RNF121: variants seen among roughly 807,000 people sequenced by gnomAD.
RNF121 encodes E3 ubiquitin ligase RNF121.
A neutral mutation model predicts 46.5 loss-of-function variants in RNF121; 21 were observed. The ratio of observed to expected loss-of-function variants is 0.45; its 90% CI spans 0.32 to 0.65. The LOEUF is 0.65. RNF121 is among the 30% of genes least tolerant of loss of function. The probability of loss-of-function intolerance (pLI) is 0.04; values close to 1 mark genes in which losing one functional copy is unlikely to be tolerated. For missense variants in RNF121, 346 were observed against 416.0 expected, an observed-to-expected ratio of 0.83 and a Z score of 1.46; for synonymous variants, 139 against 144.7, an observed-to-expected ratio of 0.96 and a Z score of 0.28.
chr11:71,955,671 G>T (rs1953973719), intron 1 of RNF121, among the ~76,000 whole-genome samples: 1 of 152,142 alleles, frequency 6.6e-6, no homozygotes, highest in African/African-American at 2.4e-5. Context: ...ACGTGTCTTG[G>T]GACAATTAAT....
At chr11:71,979,195 T>C (rs72956144) in intron 3 of RNF121, among the ~76,000 whole-genome samples, 9,790 of 152,276 alleles carry the variant, frequency 0.064, 463 homozygotes, top group Non-Finnish European at 0.099. Flanking sequence ...AGCTAGTTGA[T>C]AGAAACTTAG....
chr11:71,941,487 A>G (rs959691732), intron 1 of RNF121, among the ~76,000 whole-genome samples: 1 of 152,250 alleles, frequency 6.6e-6, no homozygotes, highest in African/African-American at 2.4e-5. Flanking sequence ...GAACAAGACA[A>G]CTGAGGTCCT....
At position 71,950,005 on chromosome 11, in the gene RNF121, AC is replaced by A. The variant is rs1164100778; in HGVS notation, c.64-7221del. On this transcript the variant is annotated intron_variant, in intron 1 of 8. Coordinates refer to ENST00000361756, the MANE Select transcript of RNF121 (RefSeq NM_018320.5). ...GACAGAGCAAGACTCCATCTCAAAA[AC>A]AAAACAGAACACACACACACACACA... 3.3e-5 allele frequency among the ~76,000 whole-genome samples: 5 copies of A among 151,094 alleles called. No individual in the cohort carries two copies. In the East Asian group the frequency reaches 9.7e-4, roughly 29 times the overall value.
chr11:71,947,979 C>A (rs1953765311), intron 1 of RNF121, among the ~76,000 whole-genome samples: 1 of 152,088 alleles, frequency 6.6e-6, no homozygotes. Flanking sequence ...CTGTAAAGGC[C>A]TTAGGAGTTC....
In RNF121 at chr11:71,974,527, A is replaced by G. The variant is rs187137724; in HGVS notation, c.244-8234A>G. Among the ~76,000 whole-genome samples the G allele has an allele frequency of 4.7e-4, 71 of 152,312 alleles. 1 individual carries two copies. The East Asian group carries it at 0.01, about 22-fold the overall frequency. On this transcript the variant is annotated intron_variant, in intron 3 of 8. Transcript: ENST00000361756. ...AGTTTTCAGATTAGTAAACCAAGGT[A>G]CAGAATCCTGAAGTGATTTGCTGGG...
intron 3 of RNF121, among the ~76,000 whole-genome samples, chr11:71,961,443 C>T (rs1375327119): frequency 6.6e-6 from 1 of 152,058 alleles, no homozygotes; most frequent in Non-Finnish European, 1.5e-5. Flanking sequence ...CGCCTATAGT[C>T]TCAGCTACTG....
At chr11:71,994,468 G>A (rs75822536) in intron 6 of RNF121, among the ~76,000 whole-genome samples, 3,292 of 152,008 alleles carry the variant, frequency 0.022, 123 homozygotes, top group African/African-American at 0.075. Context: ...TATAGGTTCT[G>A]TTACATCTAA....
At chr11:71,960,637 T>A (rs549311358) in intron 2 of RNF121, 113 bp from the exon 3 acceptor site, 34 of 1,233,146 alleles carry the variant, frequency 2.8e-5, no homozygotes, top group Admixed American at 8.7e-5. Flanking sequence ...CCTGCAGCTA[T>A]GAAGCAGGGA....
In RNF121 at chr11:71,996,436, A is replaced by C. The variant is rs1590821042; in HGVS notation, c.*121A>C. 8.0e-7 allele frequency: 1 copy of C among 1,251,874 alleles called. No individual in the cohort carries two copies. Among genetic ancestry groups the C allele is most frequent in the East Asian group, 2.5e-5 (1 of 39,390 alleles). 77.5% of individuals were successfully genotyped at this position (1,251,874 alleles called of 1,614,324 possible). A position where few individuals can be genotyped will look rare whatever the true frequency, so the allele number is the denominator to read the frequency against. Reference sequence around the variant, plus strand: ...CAAAGGGGTGCTTGGGCCACTCAGGACCCCTCTGGCTGTGTCGGACTGGGG... The same window carrying C: ...CAAAGGGGTGCTTGGGCCACTCAGGCCCCCTCTGGCTGTGTCGGACTGGGG... On this transcript the variant is annotated 3_prime_UTR_variant, in exon 9 of 9. Transcript: ENST00000361756.
intron 3 of RNF121, among the ~76,000 whole-genome samples, chr11:71,968,229 C>G (rs117770479): frequency 2.4e-3 from 372 of 151,904 alleles, no homozygotes; most frequent in Middle Eastern, 0.01. Context: ...CTAGCTAACT[C>G]TTTGTATTTT....
intron 1 of RNF121, among the ~76,000 whole-genome samples, chr11:71,954,394 T>G (rs1953944668): frequency 2.6e-5 from 4 of 152,174 alleles, no homozygotes; most frequent in Admixed American, 2.6e-4. Context: ...AAGCCTCAAG[T>G]CTAGTCTCAG....
chr11:71,968,525 G>C (rs1954342536), intron 3 of RNF121, among the ~76,000 whole-genome samples: 1 of 152,130 alleles, frequency 6.6e-6, no homozygotes, highest in African/African-American at 2.4e-5. Flanking sequence ...CAATTCTTGT[G>C]GACCTCTCAT....
chr11:71,933,745 A>G (rs1451832554), intron 1 of RNF121, among the ~76,000 whole-genome samples: 1 of 152,180 alleles, frequency 6.6e-6, no homozygotes, highest in Admixed American at 6.5e-5. Context: ...GCAGAGTCCA[A>G]GTGTATCTTG....
At chr11:71,933,744 A>C (rs1400171481) in intron 1 of RNF121, among the ~76,000 whole-genome samples, 1 of 152,204 alleles carries the variant, frequency 6.6e-6, no homozygotes, top group African/African-American at 2.4e-5. Flanking sequence ...AGCAGAGTCC[A>C]AGTGTATCTT....
At position 71,964,473 on chromosome 11, in the gene RNF121, C is replaced by CT. The variant is rs377544751; in HGVS notation, c.243+3591dup. Among the ~76,000 whole-genome samples the CT allele has an allele frequency of 1.5e-3, 222 of 150,548 alleles. 2 individuals are homozygous for CT. The highest frequency in any genetic ancestry group is 4.2e-3 in the African/African-American group (171 of 40,992). On this transcript the variant is annotated intron_variant, in intron 3 of 8. Coordinates refer to ENST00000361756, the MANE Select transcript of RNF121 (RefSeq NM_018320.5). Reference sequence around the variant, plus strand: ...CACTTCTTCTTTTCCAATTGGATACCTTTTTTTTTCCTGAGACAAGGTCTT... The same window carrying CT: ...CACTTCTTCTTTTCCAATTGGATACCTTTTTTTTTTCCTGAGACAAGGTCTT...
At chr11:71,980,157 A>G (rs780505242) in intron 3 of RNF121, among the ~76,000 whole-genome samples, 69 of 152,144 alleles carry the variant, frequency 4.5e-4, no homozygotes, top group Non-Finnish European at 7.8e-4. Flanking sequence ...CTGTTTTAGA[A>G]TGCTTCATTC....
chr11:71,969,532 G>A (rs1419173796), intron 3 of RNF121, among the ~76,000 whole-genome samples: 1 of 152,058 alleles, frequency 6.6e-6, no homozygotes, highest in African/African-American at 2.4e-5. Flanking sequence ...TAAACGGTAT[G>A]TTTTAAAATT....
At chr11:71,984,185 G>C (rs924902624) in intron 4 of RNF121, among the ~76,000 whole-genome samples, 4 of 152,222 alleles carry the variant, frequency 2.6e-5, no homozygotes, top group African/African-American at 9.6e-5. Context: ...ATAGAACAAT[G>C]TAAGAGTCAC....
chr11:71,995,950 C>T (rs1396808000), intron 8 of RNF121, among the ~76,000 whole-genome samples: 2 of 152,238 alleles, frequency 1.3e-5, no homozygotes, highest in Non-Finnish European at 2.9e-5. Flanking sequence ...ATCTGCCTCC[C>T]ACCTTCTCTG....
Sources: allele counts gnomAD v4.1 joint callset (sites outside exome capture counted in the v4.1 genomes callset), GRCh38; gene constraint gnomAD v4.1.1; transcripts MANE v1.5; gene names NCBI Gene and HGNC (gene_info 2026-07-23, HGNC 2026-07-21).